NEK6: variants seen among roughly 807,000 people sequenced by gnomAD.
The protein encoded by NEK6 is serine/threonine-protein kinase Nek6.
In NEK6, 27 loss-of-function variants were observed where a neutral mutation model predicts 43.5. The observed-to-expected ratio is 0.62, with a 90% CI of 0.46 to 0.86. NEK6 has a LOEUF of 0.86. Ranked by LOEUF, NEK6 falls within the 40% of genes least tolerant of loss-of-function variation. The pLI is 0.00. For synonymous variants in NEK6, 167 were observed against 164.1 expected (o/e 1.02, Z -0.14); for missense variants, 318 against 414.4 (o/e 0.77, Z 2.02).
intron 1 of NEK6, among the ~76,000 whole-genome samples, chr9:124,295,910 C>T (rs927162192): frequency 1.3e-5 from 2 of 152,250 alleles, no homozygotes; most frequent in Non-Finnish European, 2.9e-5. Flanking sequence ...CATGTTTCTC[C>T]ATGGAGCCTT....
At chr9:124,280,803 C>A (rs958201299) in intron 1 of NEK6, among the ~76,000 whole-genome samples, 1 of 151,934 alleles carries the variant, frequency 6.6e-6, no homozygotes, top group Admixed American at 6.6e-5. Context: ...TCATTTTTTT[C>A]TTTTTTTGAG....
At chr9:124,299,716 G>A (rs749935234) in intron 1 of NEK6, among the ~76,000 whole-genome samples, 25 of 152,228 alleles carry the variant, frequency 1.6e-4, no homozygotes, top group South Asian at 2.1e-4. Context: ...ATGCCCCTCC[G>A]TGTGACACTG....
At position 124,289,167 on chromosome 9, in the gene NEK6, ACCCCCCCCG is replaced by A. The variant is rs1460043475; in HGVS notation, c.-29-12760_-29-12752del. Among the ~76,000 whole-genome samples the A allele has an allele frequency of 4.2e-3, 64 of 15,186 alleles. 4 individuals are homozygous for A. The highest frequency in any genetic ancestry group is 0.02 in the East Asian group (5 of 244). The allele number at this position is 15,186 out of a possible 152,430, so 10.0% of individuals were successfully genotyped here. On this transcript the variant is annotated intron_variant, in intron 1 of 9. Coordinates refer to ENST00000320246, the MANE Select transcript of NEK6 (RefSeq NM_014397.6). Reference sequence around the variant, plus strand: ...GACCTAGTTAAGACTTTGATTGGACACCCCCCCCGCCCCCCCCCGCCACACACACACACA... The same window carrying A: ...GACCTAGTTAAGACTTTGATTGGACACCCCCCCCCGCCACACACACACACA...
intron 1 of NEK6, among the ~76,000 whole-genome samples, chr9:124,286,984 A>C (rs1459273994): frequency 1.3e-5 from 2 of 152,148 alleles, no homozygotes; most frequent in African/African-American, 4.8e-5. Flanking sequence ...CCTGGGATCC[A>C]GCTGGGGCAC....
chr9:124,343,481 T>C lies in NEK6; in HGVS notation c.717+3816T>C, dbSNP rs114673035. 9.1e-3 allele frequency among the ~76,000 whole-genome samples: 1,377 copies of C among 152,116 alleles called. 27 individuals are homozygous for C. Among genetic ancestry groups the C allele is most frequent in the African/African-American group, 0.031 (1,277 of 41,502 alleles). On this transcript the variant is annotated intron_variant, in intron 8 of 9. Transcript: ENST00000320246. The surrounding 1 kb of genome is among the most constrained non-coding windows in gnomAD (Gnocchi z 5.1). ...AGCAGCAGGCTGCTGTGGCCACCCA[T>C]AGCCGGCCCATCCAAGGGTAACGGG...
intron 1 of NEK6, among the ~76,000 whole-genome samples, chr9:124,298,495 C>T (rs1832807432): frequency 6.6e-6 from 1 of 152,060 alleles, no homozygotes; most frequent in African/African-American, 2.4e-5. Flanking sequence ...TCCGGGGGCT[C>T]CTGCCCCTGG....
At position 124,347,788 on chromosome 9, in the gene NEK6, AC is replaced by A. The variant is rs772717824; in HGVS notation, c.803del (p.Pro268HisfsTer74). Reference protein sequence around the residue: ...SLCQKIEQCDYPPLPGEHYSE... With the variant: ...SLCQKIEQCDXPPLPGEHYSE... ...TGCCAGAAGATCGAGCAGTGTGACT[AC>A]CCCCCACTCCCCGGGGAGCACTACT... On this transcript the variant is annotated frameshift_variant, in exon 9 of 10. Coordinates refer to ENST00000320246, the MANE Select transcript of NEK6 (RefSeq NM_014397.6). LOFTEE classifies it high-confidence loss of function. 3 of 1,610,596 alleles carry A rather than the reference AC, an allele frequency of 1.9e-6. No homozygotes were observed. Among genetic ancestry groups the A allele is most frequent in the African/African-American group, 1.3e-5 (1 of 74,266 alleles).
Position 124,347,819 on chromosome 9 carries a change from G to A in NEK6, c.828G>A (p.Glu276=). The change falls in exon 9 of 10, where the codon GAG becomes GAA. Residue 276 remains glutamate (E), a synonymous_variant. Transcript: ENST00000320246. ...CACTCCCCGGGGAGCACTACTCCGA[G>A]AAGGTGAGTTTGCAGGAGCCGGAGG... is the stretch of plus-strand genomic sequence containing the variant. The part of the protein sequence containing the change: ...YPPLPGEHYS[E]KLRELVSMCI... 2 of 1,607,070 alleles carry A rather than the reference G, an allele frequency of 1.2e-6. No individual in the cohort carries two copies. Among genetic ancestry groups the A allele is most frequent in the Non-Finnish European group, 1.7e-6 (2 of 1,174,646 alleles).
At position 124,312,559 on chromosome 9, in the gene NEK6, C is replaced by T. The variant is rs781287662; in HGVS notation, c.141C>T (p.Ile47=). Residue 47 remains isoleucine (I), a synonymous_variant, in exon 3 of 10, where the codon ATC becomes ATT. Transcript: ENST00000320246. ...SFRCSLADFQ[I]EKKIGRGQFS... ...GCTGCTCGCTGGCGGACTTCCAGATCGAAAAGAAGATAGGCCGAGGACAGT... is the reference window on the plus strand; with the variant it reads ...GCTGCTCGCTGGCGGACTTCCAGATTGAAAAGAAGATAGGCCGAGGACAGT... The T allele has an allele frequency of 2.7e-5, 43 of 1,613,996 alleles. No homozygotes were observed. The highest frequency in any genetic ancestry group is 2.1e-4 in the South Asian group (19 of 91,084).
intron 2 of NEK6, among the ~76,000 whole-genome samples, chr9:124,311,476 C>T (rs1308503288): frequency 1.3e-5 from 2 of 152,174 alleles, no homozygotes; most frequent in African/African-American, 4.8e-5. Flanking sequence ...CCACTGTTGG[C>T]GCCCCCTCCT....
chr9:124,338,970 C>G (rs1421319576), intron 7 of NEK6, among the ~76,000 whole-genome samples: 3 of 151,946 alleles, frequency 2.0e-5, no homozygotes, highest in South Asian at 2.1e-4. Flanking sequence ...TCCCCTTCCC[C>G]TGGGCAGCTG....
rs375715210 is a variant in NEK6, at chr9:124,326,371, A to G, written c.447A>G (p.Val149=). The G allele has an allele frequency of 7.4e-6, 12 of 1,611,604 alleles. No homozygotes were observed. In the Middle Eastern group the frequency reaches 6.6e-4, roughly 88 times the overall value. Reference sequence around the variant, plus strand: ...AGCGGCTCATCCCGGAGAGGACAGTATGGAAGTACTTTGTGCAGCTGTGCA... The same window carrying G: ...AGCGGCTCATCCCGGAGAGGACAGTGTGGAAGTACTTTGTGCAGCTGTGCA... ...KQKRLIPERT[V]WKYFVQLCSA... Residue 149 remains valine, a synonymous_variant, in exon 6 of 10, where the codon GTA becomes GTG. Transcript: ENST00000320246. The surrounding 1 kb of genome is among the most constrained non-coding windows in gnomAD (Gnocchi z 4.5).
intron 2 of NEK6, among the ~76,000 whole-genome samples, chr9:124,311,745 A>C (rs1457189115): frequency 6.6e-6 from 1 of 152,214 alleles, no homozygotes; most frequent in Non-Finnish European, 1.5e-5. Context: ...GCTGGAGTGC[A>C]GTGGCATGAT....
intron 1 of NEK6, among the ~76,000 whole-genome samples, chr9:124,289,265 G>GGT (rs1832306635): frequency 6.9e-6 from 1 of 145,838 alleles, no homozygotes; most frequent in Admixed American, 7.1e-5. Flanking sequence ...CTGAGGGGAG[G>GGT]GTGCTCTGGA....
At chr9:124,348,807 GATA>G (rs1830098292) in intron 9 of NEK6, among the ~76,000 whole-genome samples, 1 of 152,242 alleles carries the variant, frequency 6.6e-6, no homozygotes, top group African/African-American at 2.4e-5. Flanking sequence ...GTCACCTCAC[GATA>G]ATAACAGCTC....
intron 2 of NEK6, among the ~76,000 whole-genome samples, chr9:124,308,676 C>A (rs912562899): frequency 1.3e-4 from 19 of 144,316 alleles, no homozygotes; most frequent in South Asian, 4.3e-4. Flanking sequence ...AAAAAAAAAA[C>A]CAGTTTTCTG....
chr9:124,330,649 C>T (rs948710377), intron 7 of NEK6, among the ~76,000 whole-genome samples: 6 of 152,376 alleles, frequency 3.9e-5, no homozygotes, highest in African/African-American at 7.2e-5. Context: ...GGCGCTGAGG[C>T]GCAAACCCCT....
At chr9:124,340,133 T>TAAAGACCACCACCTCTCCCCCCCC (rs71372959) in intron 8 of NEK6, among the ~76,000 whole-genome samples, 31 of 151,276 alleles carry the variant, frequency 2.0e-4, no homozygotes, top group Admixed American at 1.3e-3. Context: ...TGGGTCTCCC[T>TAAAGACCACCACCTCTCCCCCCCC]AAAGACCACC....
intron 4 of NEK6, among the ~76,000 whole-genome samples, chr9:124,319,844 C>T (rs908507678): frequency 3.9e-5 from 6 of 152,168 alleles, no homozygotes; most frequent in Non-Finnish European, 7.3e-5. Flanking sequence ...TTACCATAGG[C>T]TTGTAGTATA....
Sources: gnomAD v4.1 joint callset for allele counts (sites outside exome capture counted in the v4.1 genomes callset) on GRCh38, gnomAD v4.1.1 for gene constraint, Gnocchi (gnomAD v3.1) non-coding constraint, MANE v1.5 for transcripts, NCBI Gene and HGNC (gene_info 2026-07-23, HGNC 2026-07-21) for gene names.